The following BTBD9 variants were observed in gnomAD, a reference collection of about 807,000 sequenced individuals.
BTBD9 encodes the protein BTB domain containing 9, also known as BTB/POZ domain-containing protein 9.
In BTBD9, 49 loss-of-function variants were observed where a neutral mutation model predicts 64.3. The observed-to-expected ratio is 0.76, with a 90% CI of 0.61 to 0.97. The LOEUF (loss-of-function observed/expected upper bound fraction) is 0.97, where lower values mean the gene tolerates loss of function less well. Ranked by LOEUF, BTBD9 falls within the 50% of genes least tolerant of loss-of-function variation. The pLI, the probability that BTBD9 is intolerant of heterozygous loss-of-function variation, is 0.00. For synonymous variants in BTBD9, 260 were observed against 274.7 expected, an observed-to-expected ratio of 0.95 and a Z score of 0.53; for missense variants, 598 against 762.1, an observed-to-expected ratio of 0.78 and a Z score of 2.53.
chr6:38,333,574 T>C (rs1335826016), intron 7 of BTBD9, among the ~76,000 whole-genome samples: 1 of 152,120 alleles, frequency 6.6e-6, no homozygotes, highest in Non-Finnish European at 1.5e-5. Context: ...AAGATCTGGT[T>C]GTCTGAAAGT....
chr6:38,505,138 C>A (rs1274763422), intron 6 of BTBD9, among the ~76,000 whole-genome samples: 1 of 152,146 alleles, frequency 6.6e-6, no homozygotes, highest in Non-Finnish European at 1.5e-5. Flanking sequence ...AGTTATATCT[C>A]CTTTGACCAC....
intron 10 of BTBD9, among the ~76,000 whole-genome samples, chr6:38,177,202 A>C (rs534971547): frequency 6.6e-6 from 1 of 152,168 alleles, no homozygotes; most frequent in Non-Finnish European, 1.5e-5. Context: ...TCAGGCTGAC[A>C]CTAATCCTGG....
chr6:38,232,650 A>G (rs1310468228), intron 9 of BTBD9, among the ~76,000 whole-genome samples: 1 of 150,430 alleles, frequency 6.6e-6, no homozygotes, highest in African/African-American at 2.4e-5. Context: ...ATTTTTTCAC[A>G]TAAACCTTTC....
At chr6:38,553,403 A>C (rs975441168) in intron 6 of BTBD9, among the ~76,000 whole-genome samples, 3 of 152,222 alleles carry the variant, frequency 2.0e-5, no homozygotes, top group Non-Finnish European at 4.4e-5. Flanking sequence ...AAACAGATCC[A>C]ACACAAAGCT....
intron 1 of BTBD9, among the ~76,000 whole-genome samples, chr6:38,616,184 T>C (rs1777782798): frequency 6.6e-6 from 1 of 152,108 alleles, no homozygotes; most frequent in Non-Finnish European, 1.5e-5. Context: ...AAGGAGGATC[T>C]CAGTGGTATA....
intron 6 of BTBD9, among the ~76,000 whole-genome samples, chr6:38,527,606 C>G (rs1329449066): frequency 6.6e-6 from 1 of 152,046 alleles, no homozygotes; most frequent in Non-Finnish European, 1.5e-5. Context: ...TGAGGCCTCC[C>G]TAGCCATGCA....
intron 6 of BTBD9, among the ~76,000 whole-genome samples, chr6:38,364,007 A>G (rs911720842): frequency 6.6e-6 from 1 of 152,184 alleles, no homozygotes; most frequent in Non-Finnish European, 1.5e-5. Flanking sequence ...AATCCTGGTC[A>G]CTTGGGGGTT....
intron 6 of BTBD9, among the ~76,000 whole-genome samples, chr6:38,351,612 C>T (rs954861917): frequency 2.8e-5 from 4 of 141,678 alleles, no homozygotes; most frequent in African/African-American, 5.1e-5. Flanking sequence ...CGCCATTTTC[C>T]TGCCTCAGCC....
chr6:38,498,123 TCAGA>T (rs1383281481), intron 6 of BTBD9, among the ~76,000 whole-genome samples: 3 of 152,174 alleles, frequency 2.0e-5, no homozygotes, highest in Non-Finnish European at 4.4e-5. Flanking sequence ...CAACAAATTA[TCAGA>T]CACAGAAATC....
chr6:38,477,865 GT>G (rs1334539448), intron 6 of BTBD9, among the ~76,000 whole-genome samples: 13 of 152,222 alleles, frequency 8.5e-5, no homozygotes, highest in Non-Finnish European at 1.8e-4. Context: ...AAAGCCATCA[GT>G]GGCTCTGTGG....
At chr6:38,228,302 A>G (rs1444359223) in intron 9 of BTBD9, among the ~76,000 whole-genome samples, 1 of 140,140 alleles carries the variant, frequency 7.1e-6, no homozygotes. Context: ...GGCTATGATA[A>G]CACCACTGCA....
Position 38,410,956 on chromosome 6 carries a change from C to T in BTBD9, c.1155-65863G>A, listed in dbSNP as rs202022990. Among the ~76,000 whole-genome samples the T allele has an allele frequency of 2.6e-5, 4 of 152,000 alleles. No individual in the cohort carries two copies. In the East Asian group the frequency reaches 7.7e-4, roughly 29 times the overall value. On this transcript the variant is annotated intron_variant, in intron 6 of 10. Transcript: ENST00000481247. ...TCCCTGCATGTATCTCCAGTCCAAC[C>T]TCTCTCTCTTGTGACCTCCTGTCCC...
intron 6 of BTBD9, among the ~76,000 whole-genome samples, chr6:38,352,340 G>A (rs1267583692): frequency 3.3e-5 from 5 of 151,474 alleles, no homozygotes; most frequent in Non-Finnish European, 5.9e-5. Flanking sequence ...TCATACTACT[G>A]CACTCCAGCC....
At position 38,552,750 on chromosome 6, in the gene BTBD9, A is replaced by G. The variant is rs1037406956; in HGVS notation, c.1154+24850T>C. ...CCACTGCACTCCAGAAAAGAAAAGA[A>G]AAAGAAAAAAAAAAAAAAGAAAGAG... On this transcript the variant is annotated intron_variant, in intron 6 of 10. Coordinates refer to ENST00000481247, the MANE Select transcript of BTBD9 (RefSeq NM_001099272.2). 2.0e-5 allele frequency among the ~76,000 whole-genome samples: 3 copies of G among 151,544 alleles called. No homozygotes were observed. The East Asian group carries it at 5.8e-4, about 29-fold the overall frequency.
chr6:38,296,130 G>A (rs1762151258), intron 7 of BTBD9, among the ~76,000 whole-genome samples: 1 of 152,168 alleles, frequency 6.6e-6, no homozygotes, highest in African/African-American at 2.4e-5. Flanking sequence ...TTACCATGCT[G>A]TCTTAATTAC....
chr6:38,413,219 C>G (rs866934961), intron 6 of BTBD9, among the ~76,000 whole-genome samples: 1 of 152,078 alleles, frequency 6.6e-6, no homozygotes, highest in African/African-American at 2.4e-5. Flanking sequence ...TCTTCAGTAA[C>G]GTGGCTTAAA....
intron 6 of BTBD9, among the ~76,000 whole-genome samples, chr6:38,498,957 T>C (rs907276381): frequency 6.6e-6 from 1 of 152,190 alleles, no homozygotes; most frequent in African/African-American, 2.4e-5. Context: ...TATGTGTCAT[T>C]TAAAAGAAAG....
rs137930228 is a variant in BTBD9 at position 38,426,352 on chromosome 6, G to C, written c.1155-81259C>G. ...TATTGCCTGACAGCACGGCGGGAGG[G>C]ACAAGGATCGGGATATAAACCCAGG... On this transcript the variant is annotated intron_variant, in intron 6 of 10. Transcript: ENST00000481247. Among the ~76,000 whole-genome samples the C allele has an allele frequency of 2.4e-3, 368 of 152,060 alleles. 1 individual carries two copies. The highest frequency in any genetic ancestry group is 4.1e-3 in the Non-Finnish European group (277 of 68,028).
intron 7 of BTBD9, among the ~76,000 whole-genome samples, chr6:38,303,442 C>G (rs1055102303): frequency 1.3e-5 from 2 of 152,082 alleles, no homozygotes; most frequent in Non-Finnish European, 2.9e-5. Flanking sequence ...AAGTTTCACA[C>G]ATCTTAACAC....
Sources: allele counts gnomAD v4.1 joint callset (sites outside exome capture counted in the v4.1 genomes callset), GRCh38; gene constraint gnomAD v4.1.1; transcripts MANE v1.5; gene names NCBI Gene and HGNC (gene_info 2026-07-23, HGNC 2026-07-21).